The following SLC25A21 variants were observed in gnomAD, a reference collection of about 807,000 sequenced individuals.
SLC25A21 encodes mitochondrial 2-oxodicarboxylate carrier.
SLC25A21 carries 47 observed loss-of-function variants against 43.8 expected under a neutral mutation model. The observed-to-expected ratio is 1.07, with a 90% CI of 0.85 to 1.37. The LOEUF is 1.37. Ranked by LOEUF, SLC25A21 falls within the 40% of genes most tolerant of loss-of-function variation. The probability of loss-of-function intolerance (pLI) is 0.00; values close to 1 mark genes in which losing one functional copy is unlikely to be tolerated. For missense variants in SLC25A21, 352 were observed against 350.2 expected (o/e 1.00, Z -0.04); for synonymous variants, 131 against 121.3 (o/e 1.08, Z -0.52).
At chr14:36,901,440 T>C (rs1160752643) in intron 1 of SLC25A21, among the ~76,000 whole-genome samples, 1 of 152,174 alleles carries the variant, frequency 6.6e-6, no homozygotes, top group Non-Finnish European at 1.5e-5. Context: ...CTATTACCTA[T>C]ATAGATTAGA....
chr14:36,785,689 A>T (rs1887224501), intron 3 of SLC25A21, among the ~76,000 whole-genome samples: 1 of 152,196 alleles, frequency 6.6e-6, no homozygotes, highest in South Asian at 2.1e-4. Context: ...ATGCTTAGGC[A>T]CCATATTAAA....
intron 9 of SLC25A21, among the ~76,000 whole-genome samples, chr14:36,683,417 T>C (rs1882381177): frequency 6.6e-6 from 1 of 152,210 alleles, no homozygotes; most frequent in Admixed American, 6.5e-5. Context: ...TCCTTTTCTT[T>C]TTTTGAAATG....
chr14:36,962,389 C>A (rs192016684), intron 1 of SLC25A21, among the ~76,000 whole-genome samples: 218 of 152,122 alleles, frequency 1.4e-3, no homozygotes, highest in African/African-American at 4.1e-3. Flanking sequence ...GAACTTTATT[C>A]CTCATGTTGT....
intron 1 of SLC25A21, among the ~76,000 whole-genome samples, chr14:36,924,357 T>C (rs1566742634): frequency 6.6e-6 from 1 of 152,142 alleles, no homozygotes; most frequent in Non-Finnish European, 1.5e-5. Flanking sequence ...TAAAAAATGA[T>C]GAGTTCATGT....
chr14:37,123,824 G>A (rs1330524878), intron 1 of SLC25A21, among the ~76,000 whole-genome samples: 1 of 152,028 alleles, frequency 6.6e-6, no homozygotes, highest in Non-Finnish European at 1.5e-5. Context: ...AGGAGTCTGA[G>A]ACCAGCCTGG....
At chr14:37,054,872 C>T (rs912944156) in intron 1 of SLC25A21, among the ~76,000 whole-genome samples, 1 of 152,118 alleles carries the variant, frequency 6.6e-6, no homozygotes, top group African/African-American at 2.4e-5. Context: ...CAAATCCAAA[C>T]TCTGCAAACA....
intron 1 of SLC25A21, among the ~76,000 whole-genome samples, chr14:37,157,388 G>T (rs1963869803): frequency 6.6e-6 from 1 of 151,956 alleles, no homozygotes; most frequent in Non-Finnish European, 1.5e-5. Context: ...ATCATATCAA[G>T]TATCTTCTCA....
intron 1 of SLC25A21, among the ~76,000 whole-genome samples, chr14:36,980,511 T>G (rs932626019): frequency 6.6e-6 from 1 of 152,238 alleles, no homozygotes; most frequent in Non-Finnish European, 1.5e-5. Context: ...CAATCACTGA[T>G]ACCCTTTCTT....
At chr14:36,908,848 G>T (rs543838006) in intron 1 of SLC25A21, among the ~76,000 whole-genome samples, 1 of 152,198 alleles carries the variant, frequency 6.6e-6, no homozygotes, top group South Asian at 2.1e-4. Context: ...TACCCCCAAG[G>T]AAGATGAGAA....
chr14:36,802,151 G>A (rs977613800), intron 3 of SLC25A21, among the ~76,000 whole-genome samples: 2 of 152,050 alleles, frequency 1.3e-5, no homozygotes, highest in Admixed American at 6.6e-5. Context: ...ATGATACCAT[G>A]GGTGTCGTAA....
intron 1 of SLC25A21, among the ~76,000 whole-genome samples, chr14:37,106,422 A>C (rs1157623320): frequency 6.6e-6 from 1 of 152,002 alleles, no homozygotes; most frequent in African/African-American, 2.4e-5. Flanking sequence ...TATGCGGTTG[A>C]GATAAGGACT....
At chr14:37,121,872 C>T (rs1212322859) in intron 1 of SLC25A21, among the ~76,000 whole-genome samples, 1 of 152,132 alleles carries the variant, frequency 6.6e-6, no homozygotes, top group Non-Finnish European at 1.5e-5. Context: ...AGAAACTCAT[C>T]CCATCTCATC....
At chr14:37,019,103 T>C (rs1482633323) in intron 1 of SLC25A21, among the ~76,000 whole-genome samples, 1 of 151,922 alleles carries the variant, frequency 6.6e-6, no homozygotes, top group Non-Finnish European at 1.5e-5. Flanking sequence ...AATATATTCA[T>C]GACATTCCTT....
intron 1 of SLC25A21, among the ~76,000 whole-genome samples, chr14:36,992,032 A>G (rs1960274888): frequency 6.6e-6 from 1 of 152,184 alleles, no homozygotes. Context: ...TTTCTTGTTT[A>G]GCACATAATT....
chr14:37,144,402 A>C (rs1963624123), intron 1 of SLC25A21, among the ~76,000 whole-genome samples: 1 of 152,196 alleles, frequency 6.6e-6, no homozygotes, highest in South Asian at 2.1e-4. Flanking sequence ...CTCTTCTTTT[A>C]AAAAAATTTA....
chr14:37,116,944 T>A (rs934208980), intron 1 of SLC25A21, among the ~76,000 whole-genome samples: 6 of 152,170 alleles, frequency 3.9e-5, no homozygotes, highest in African/African-American at 9.6e-5. Flanking sequence ...CTTGTAGTAT[T>A]GGGTGCCATT....
chr14:37,057,087 C>T (rs749200081), intron 1 of SLC25A21, among the ~76,000 whole-genome samples: 9 of 152,164 alleles, frequency 5.9e-5, no homozygotes, highest in East Asian at 3.8e-4. Flanking sequence ...TAAATTTTAA[C>T]CTTTATATCT....
At chr14:37,154,157 C>T (rs1963806609) in intron 1 of SLC25A21, among the ~76,000 whole-genome samples, 1 of 152,106 alleles carries the variant, frequency 6.6e-6, no homozygotes, top group East Asian at 1.9e-4. Context: ...CCACTGTCAT[C>T]ACTGGTGCCT....
chr14:37,039,417 C>T (rs1420421580), intron 1 of SLC25A21, among the ~76,000 whole-genome samples: 1 of 152,140 alleles, frequency 6.6e-6, no homozygotes, highest in Non-Finnish European at 1.5e-5. Flanking sequence ...TAGTACATCC[C>T]ACTCCCATTC....
Sources: gnomAD v4.1 joint callset for allele counts (sites outside exome capture counted in the v4.1 genomes callset) on GRCh38, gnomAD v4.1.1 for gene constraint, MANE v1.5 for transcripts, NCBI Gene and HGNC (gene_info 2026-07-23, HGNC 2026-07-21) for gene names.